NWD2: variants seen among roughly 807,000 people sequenced by gnomAD.
NWD2 encodes NACHT and WD repeat domain-containing protein 2.
In NWD2, 37 loss-of-function variants were observed where a neutral mutation model predicts 132.7. That is an observed-to-expected ratio of 0.28 (90% CI 0.21 to 0.37). NWD2 has a LOEUF of 0.37. Among genes scored for constraint, NWD2 ranks in the 10% least tolerant of loss-of-function variants. NWD2 has a pLI of 1.00. For synonymous variants in NWD2, 705 were observed against 803.0 expected (o/e 0.88, Z 2.06); for missense variants, 1,592 against 2,122.4 (o/e 0.75, Z 4.91).
At chr4:37,358,614 G>A (rs1222115127) in intron 3 of NWD2, among the ~76,000 whole-genome samples, 1 of 152,100 alleles carries the variant, frequency 6.6e-6, no homozygotes, top group African/African-American at 2.4e-5. Context: ...CACTGCAGGA[G>A]TTGCTCCACT....
At chr4:37,408,888 G>T (rs544482695) in intron 3 of NWD2, among the ~76,000 whole-genome samples, 7 of 152,280 alleles carry the variant, frequency 4.6e-5, no homozygotes, top group African/African-American at 1.7e-4. Context: ...CAGGCAAACG[G>T]GGTCAGGAGT....
At chr4:37,415,678 TGGGC>T (rs1711575201) in intron 3 of NWD2, among the ~76,000 whole-genome samples, 1 of 138,170 alleles carries the variant, frequency 7.2e-6, no homozygotes, top group Non-Finnish European at 1.5e-5. Context: ...CACTCCAGCC[TGGGC>T]AACAGTGCAA....
At chr4:37,311,969 C>T (rs1332697610) in intron 1 of NWD2, among the ~76,000 whole-genome samples, 5 of 151,104 alleles carry the variant, frequency 3.3e-5, no homozygotes, top group Admixed American at 1.3e-4. Context: ...GAGGGCTCTG[C>T]TCTGTTCCAT....
chr4:37,252,249 GT>G (rs1717392784), intron 1 of NWD2, among the ~76,000 whole-genome samples: 1 of 152,208 alleles, frequency 6.6e-6, no homozygotes, highest in Non-Finnish European at 1.5e-5. Flanking sequence ...ATGTCTTGAG[GT>G]GATATTATTG....
At chr4:37,286,617 T>C (rs1718237412) in intron 1 of NWD2, among the ~76,000 whole-genome samples, 1 of 152,188 alleles carries the variant, frequency 6.6e-6, no homozygotes, top group African/African-American at 2.4e-5. Flanking sequence ...GATTAAGCCA[T>C]GAACTGACCA....
chr4:37,244,985 T>C lies in NWD2; in HGVS notation c.-83T>C, dbSNP rs1355117561. On this transcript the variant is annotated 5_prime_UTR_variant, in exon 1 of 7. Transcript: ENST00000309447. The surrounding 1 kb of genome is among the most constrained non-coding windows in gnomAD (Gnocchi z 5.5). ...CCGCCTGCTGAGATCGACCGCCTGC[T>C]GAGCCGTTCCGTGGAGCTGCGGGCA... 6.6e-7 allele frequency: 1 copy of C among 1,519,564 alleles called. No homozygotes were observed. The highest frequency in any genetic ancestry group is 1.4e-5 in the African/African-American group (1 of 72,098). The allele number at this position is 1,519,564 out of a possible 1,614,324, so 94.1% of individuals were successfully genotyped here.
chr4:37,416,824 T>C (rs1346797988), intron 3 of NWD2, among the ~76,000 whole-genome samples: 1 of 152,058 alleles, frequency 6.6e-6, no homozygotes, highest in Non-Finnish European at 1.5e-5. Flanking sequence ...TTGGAGACCA[T>C]TATCATAAGT....
At chr4:37,348,541 C>T (rs112432480) in intron 2 of NWD2, among the ~76,000 whole-genome samples, 2,144 of 147,562 alleles carry the variant, frequency 0.015, 58 homozygotes, top group African/African-American at 0.05. Context: ...CCAGTGAAGC[C>T]ATCCCTTCTC....
chr4:37,339,084 C>A (rs1719468723), intron 2 of NWD2, among the ~76,000 whole-genome samples: 1 of 152,190 alleles, frequency 6.6e-6, no homozygotes, highest in Non-Finnish European at 1.5e-5. Flanking sequence ...AGTGCTCCAA[C>A]CTGTTTAGGT....
At chr4:37,376,180 T>C (rs987794437) in intron 3 of NWD2, among the ~76,000 whole-genome samples, 19 of 152,198 alleles carry the variant, frequency 1.2e-4, no homozygotes, top group African/African-American at 4.6e-4. Context: ...TGAATACTTG[T>C]GAACCATCTT....
At chr4:37,291,616 C>T (rs992563163) in intron 1 of NWD2, among the ~76,000 whole-genome samples, 1 of 151,680 alleles carries the variant, frequency 6.6e-6, no homozygotes, top group African/African-American at 2.4e-5. Flanking sequence ...AAAAGGAAAC[C>T]TTCGTAGCCT....
chr4:37,307,319 A>G (rs1301381665), intron 1 of NWD2, among the ~76,000 whole-genome samples: 1 of 151,262 alleles, frequency 6.6e-6, no homozygotes, highest in African/African-American at 2.4e-5. Context: ...GTGTAGGTCT[A>G]GTGGTAAATT....
intron 1 of NWD2, among the ~76,000 whole-genome samples, chr4:37,309,480 G>A (rs570720367): frequency 2.0e-5 from 3 of 152,128 alleles, no homozygotes; most frequent in Non-Finnish European, 4.4e-5. Flanking sequence ...TAATGATAAG[G>A]GCTCAGAAAT....
chr4:37,445,261 G>A lies in NWD2; in HGVS notation c.3273G>A (p.Pro1091=), dbSNP rs1410464679. 5.8e-6 allele frequency: 9 copies of A among 1,551,866 alleles called. No homozygotes were observed. The highest frequency in any genetic ancestry group is 1.7e-4 in the Middle Eastern group (1 of 5,992). The change falls in exon 7 of 7, where the codon CCG becomes CCA. Residue 1091 remains proline (P), a synonymous_variant. Coordinates refer to ENST00000309447, the MANE Select transcript of NWD2 (RefSeq NM_001144990.2). This position sits in a 1 kb window ranked among gnomAD's most constrained non-coding sequence, Gnocchi z 4.7. ...VTVIDLLYGW[P]LYQFHCWYEV... is the part of the protein sequence containing the mutation. ...TCATCGATCTGCTGTACGGATGGCC[G>A]CTTTACCAGTTCCACTGCTGGTATG...
chr4:37,381,632 A>C (rs1720456769), intron 3 of NWD2, among the ~76,000 whole-genome samples: 1 of 152,214 alleles, frequency 6.6e-6, no homozygotes, highest in African/African-American at 2.4e-5. Flanking sequence ...TTATGAAATT[A>C]ATACCAAAGC....
chr4:37,392,907 A>G (rs1207434301), intron 3 of NWD2, among the ~76,000 whole-genome samples: 7 of 152,322 alleles, frequency 4.6e-5, no homozygotes, highest in Non-Finnish European at 1.0e-4. Flanking sequence ...ATTTCCAAGG[A>G]CCATGGCAGT....
intron 1 of NWD2, among the ~76,000 whole-genome samples, chr4:37,253,131 T>C (rs374220724): frequency 2.0e-5 from 3 of 152,128 alleles, no homozygotes; most frequent in East Asian, 3.9e-4. Context: ...TTAATAATTA[T>C]TGTCATCATT....
intron 3 of NWD2, among the ~76,000 whole-genome samples, chr4:37,398,367 G>C (rs555752337): frequency 6.6e-6 from 1 of 152,292 alleles, no homozygotes; most frequent in African/African-American, 2.4e-5. Context: ...ACCAAACACT[G>C]CATGTTCTCA....
At chr4:37,330,161 TCA>T (rs1719262260) in intron 2 of NWD2, among the ~76,000 whole-genome samples, 1 of 152,202 alleles carries the variant, frequency 6.6e-6, no homozygotes, top group African/African-American at 2.4e-5. Flanking sequence ...TATTTGTTTT[TCA>T]TTTGAACTAA....
Sources: gnomAD v4.1 joint callset for allele counts (sites outside exome capture counted in the v4.1 genomes callset) on GRCh38, gnomAD v4.1.1 for gene constraint, Gnocchi (gnomAD v3.1) non-coding constraint, MANE v1.5 for transcripts, NCBI Gene and HGNC (gene_info 2026-07-23, HGNC 2026-07-21) for gene names.